SYNE1: variants seen among roughly 807,000 people sequenced by gnomAD.
SYNE1 encodes the protein spectrin repeat containing nuclear envelope protein 1.
In SYNE1, 616 loss-of-function variants were observed where a neutral mutation model predicts 1,111.0. The ratio of observed to expected loss-of-function variants is 0.55; its 90% confidence interval spans 0.52 to 0.59. SYNE1 has a LOEUF of 0.59. SYNE1 is among the 20% of genes least tolerant of loss of function. The pLI is 0.00. For missense variants in SYNE1, 10,006 were observed against 10,417.0 expected (o/e 0.96, Z 1.72); for synonymous variants, 3,855 against 3,825.8 (o/e 1.01, Z -0.28).
chr6:152,137,454 C>T (rs2057341717), intron 140 of SYNE1, among the ~76,000 whole-genome samples: 1 of 152,146 alleles, frequency 6.6e-6, no homozygotes, highest in Admixed American at 6.5e-5. Context: ...GCCTGTGCCA[C>T]ACTGATGTGA....
intron 49 of SYNE1, 29 bp from the exon 50 acceptor site, chr6:152,397,009 C>T: frequency 1.9e-6 from 3 of 1,604,670 alleles, no homozygotes; most frequent in Non-Finnish European, 2.6e-6. Context: ...GTAATAGGTC[C>T]ATGGGACTAT....
intron 107 of SYNE1, among the ~76,000 whole-genome samples, chr6:152,241,772 T>C (rs1158655962): frequency 6.6e-6 from 1 of 152,126 alleles, no homozygotes; most frequent in African/African-American, 2.4e-5. Context: ...TCTGCATTTC[T>C]AGAGGAGAGC....
chr6:152,366,535 G>A (rs1162812381), intron 62 of SYNE1, among the ~76,000 whole-genome samples: 1 of 151,878 alleles, frequency 6.6e-6, no homozygotes, highest in African/African-American at 2.4e-5. Flanking sequence ...CACACAACTC[G>A]GGTTACCTAT....
In SYNE1 at chr6:152,505,670, C is replaced by A. The variant is rs188524795; in HGVS notation, c.582-273G>T. ...AGCGTATTTTTACATTTATTTTATA[C>A]TCAATCCCCTACAGTCCTCCGCTCT... On this transcript the variant is annotated intron_variant, in intron 8 of 145. Coordinates refer to ENST00000367255, the MANE Select transcript of SYNE1 (RefSeq NM_182961.4). 7.7e-4 allele frequency among the ~76,000 whole-genome samples: 117 copies of A among 152,312 alleles called. 1 individual carries two copies. Among genetic ancestry groups the A allele is most frequent in the African/African-American group, 2.5e-3 (104 of 41,560 alleles).
intron 56 of SYNE1, among the ~76,000 whole-genome samples, chr6:152,380,753 A>G (rs1334312499): frequency 2.0e-5 from 3 of 152,220 alleles, no homozygotes; most frequent in African/African-American, 7.2e-5. Context: ...CACCATAGGA[A>G]TGAAAGTAAA....
At chr6:152,139,760 A>AG (rs2058147683) in intron 140 of SYNE1, among the ~76,000 whole-genome samples, 190 bp downstream of exon 140, 2 of 115,832 alleles carry the variant, frequency 1.7e-5, no homozygotes, top group Non-Finnish European at 3.6e-5. Flanking sequence ...AAAAGAAAAA[A>AG]AAGAAAACCA....
intron 126 of SYNE1, among the ~76,000 whole-genome samples, chr6:152,204,423 C>T (rs960591629): frequency 1.3e-5 from 2 of 150,222 alleles, no homozygotes; most frequent in Admixed American, 1.3e-4. Flanking sequence ...CAGCTTCTTA[C>T]TTTTCAGAAC....
chr6:152,128,650 G>C (rs1451008144), intron 145 of SYNE1: 2 of 152,126 alleles, frequency 1.3e-5, no homozygotes, highest in African/African-American at 4.8e-5. Context: ...TCTCCTCTCA[G>C]GAAGAATGCG....
chr6:152,377,770 G>C (rs1382664857), intron 56 of SYNE1, among the ~76,000 whole-genome samples: 1 of 147,700 alleles, frequency 6.8e-6, no homozygotes, highest in Non-Finnish European at 1.5e-5. Context: ...GGTTTAAATA[G>C]TAATTCATTT....
chr6:152,526,671 G>T (rs1263211121), intron 4 of SYNE1, among the ~76,000 whole-genome samples: 1 of 152,158 alleles, frequency 6.6e-6, no homozygotes, highest in Non-Finnish European at 1.5e-5. Context: ...TGACCTGCTA[G>T]AGGAGCACTG....
intron 45 of SYNE1, 53 bp from the exon 46 acceptor site, chr6:152,404,367 G>T: frequency 1.5e-6 from 2 of 1,356,700 alleles, no homozygotes; most frequent in Non-Finnish European, 2.1e-6. Flanking sequence ...TGCTATATTT[G>T]GCATTTAATA....
At chr6:152,131,129 T>A (rs1220823377) in intron 144 of SYNE1, among the ~76,000 whole-genome samples, 1 of 152,042 alleles carries the variant, frequency 6.6e-6, no homozygotes, top group East Asian at 1.9e-4. Context: ...CTTAATATAT[T>A]TTTTTTCATC....
intron 108 of SYNE1, among the ~76,000 whole-genome samples, chr6:152,238,801 C>T (rs901762885): frequency 6.6e-6 from 1 of 152,050 alleles, no homozygotes; most frequent in Admixed American, 6.5e-5. Context: ...TACATTTCCA[C>T]GGGGTTCTAT....
intron 137 of SYNE1, chr6:152,147,772 G>GT (rs931215565): frequency 2.3e-6 from 1 of 434,864 alleles, no homozygotes; most frequent in Admixed American, 3.5e-5. Context: ...CCACACTAGA[G>GT]TGGAAGCTCT....
In SYNE1 at chr6:152,391,580, G is replaced by T; in HGVS notation, c.7713-12C>A. 2 of 1,337,110 alleles carry T rather than the reference G, an allele frequency of 1.5e-6. No individual in the cohort carries two copies. The highest frequency in any genetic ancestry group is 1.9e-5 in the African/African-American group (1 of 52,580). 82.8% of individuals were successfully genotyped at this position (1,337,110 alleles called of 1,614,324 possible). A position where few individuals can be genotyped will look rare whatever the true frequency, so the allele number is the denominator to read the frequency against. ...TATCAAGAGACTCTCTGAAAAAAAG[G>T]AAAAAAAAAAAAAAGAAAAAAAATT... On this transcript the variant is annotated splice_polypyrimidine_tract_variant and intron_variant, in intron 51 of 145. Transcript: ENST00000367255.
intron 40 of SYNE1, among the ~76,000 whole-genome samples, chr6:152,419,058 G>C (rs1473572249): frequency 6.6e-6 from 1 of 152,120 alleles, no homozygotes; most frequent in Non-Finnish European, 1.5e-5. Context: ...CATTTCTCCT[G>C]TTAATTGGTC....
chr6:152,586,570 T>C (rs2099539798), intron 3 of SYNE1, among the ~76,000 whole-genome samples: 1 of 152,108 alleles, frequency 6.6e-6, no homozygotes, highest in Non-Finnish European at 1.5e-5. Context: ...TACCCAATTA[T>C]ATTGGCTGGT....
At chr6:152,293,907 G>A (rs73007780) in intron 94 of SYNE1, 53 bp downstream of exon 94, 25 of 1,612,344 alleles carry the variant, frequency 1.6e-5, no homozygotes, top group Non-Finnish European at 1.9e-5. Flanking sequence ...TAAGACAATC[G>A]CTAAGGTTAC....
chr6:152,198,829 C>T (rs1467446645), intron 127 of SYNE1, among the ~76,000 whole-genome samples: 2 of 152,038 alleles, frequency 1.3e-5, no homozygotes, highest in Admixed American at 1.3e-4. Flanking sequence ...GTCACACTGA[C>T]TGTAGATCAC....
Sources: gnomAD v4.1 joint callset for allele counts (sites outside exome capture counted in the v4.1 genomes callset) on GRCh38, gnomAD v4.1.1 for gene constraint, MANE v1.5 for transcripts, NCBI Gene and HGNC (gene_info 2026-07-23, HGNC 2026-07-21) for gene names.